SLC5A4: variants seen among roughly 807,000 people sequenced by gnomAD.
The protein encoded by SLC5A4 is probable glucose sensor protein SLC5A4.
A neutral mutation model predicts 70.3 loss-of-function variants in SLC5A4; 55 were observed. That is an observed-to-expected ratio of 0.78 (90% CI 0.63 to 0.98). The LOEUF (loss-of-function observed/expected upper bound fraction) is 0.98. Among genes scored for constraint, SLC5A4 ranks in the 50% least tolerant of loss-of-function variants. SLC5A4 has a pLI of 0.00. For missense variants in SLC5A4, 735 were observed against 839.2 expected, an observed-to-expected ratio of 0.88 and a Z score of 1.53; for synonymous variants, 268 against 305.7, an observed-to-expected ratio of 0.88 and a Z score of 1.29.
rs750785700 is a variant in SLC5A4, at chr22:32,237,244, C to T, written c.664G>A (p.Ala222Thr). 4 of 1,606,258 alleles carry T rather than the reference C, an allele frequency of 2.5e-6. No homozygotes were observed. The highest frequency in any genetic ancestry group is 2.7e-5 in the African/African-American group (2 of 74,712). Residue 222 changes from alanine (A) to threonine (T), a missense_variant and splice_region_variant, in exon 7 of 15, where the codon GCA becomes ACA. Transcript: ENST00000266086. ...LIGSFILMGFAFNEVGGYESF... is the reference protein window; with the variant it reads ...LIGSFILMGFTFNEVGGYESF... The stretch of plus-strand genomic sequence containing the variant: ...CACTGCACGCAGGGTCATCACTTAC[C>T]AAACCCCATGAGAATAAAAGAGCCA...
At chr22:32,309,908 G>A in the SLC5A4 span, among the ~76,000 whole-genome samples, 11 of 152,006 alleles carry the variant, frequency 7.2e-5, no homozygotes, top group Non-Finnish European at 8.8e-5. Flanking sequence ...GCTGGGTCTC[G>A]GTGATCTCTG....
intron 5 of SLC5A4, among the ~76,000 whole-genome samples, chr22:32,241,894 T>C (rs562972320): frequency 4.0e-5 from 6 of 151,860 alleles, no homozygotes; most frequent in African/African-American, 1.2e-4. Context: ...TATGTATGTA[T>C]GTTGATGACT....
Position 32,247,508 on chromosome 22 carries a change from G to T in SLC5A4, c.380C>A (p.Thr127Asn). ...CCGCTTCTTGAGATATTCCGGCATG[G>T]TCATCACCTGCAGAGACAGACATTG... ...VPIYIKSGVM[T>N]MPEYLKKRFG... is the part of the protein sequence containing the mutation. Residue 127 changes from threonine (T) to asparagine (N), a missense_variant, in exon 5 of 15, where the codon ACC becomes AAC. Physicochemically the swap from Thr to Asn is moderately conservative, Grantham distance 65 (BLOSUM62 0). Transcript: ENST00000266086. The T allele has an allele frequency of 1.9e-6, 3 of 1,610,106 alleles. No individual in the cohort carries two copies. The highest frequency in any genetic ancestry group is 2.6e-6 in the Non-Finnish European group (3 of 1,176,364).
chr22:32,298,350 C>CAT, the SLC5A4 span, among the ~76,000 whole-genome samples: 1 of 145,116 alleles, frequency 6.9e-6, no homozygotes, highest in South Asian at 2.3e-4. Context: ...GTATTGGGTG[C>CAT]ATATATATTT....
the SLC5A4 span, among the ~76,000 whole-genome samples, chr22:32,306,803 C>G: frequency 6.6e-6 from 1 of 152,240 alleles, no homozygotes; most frequent in Non-Finnish European, 1.5e-5. Flanking sequence ...AGACACTGAC[C>G]GCTTGGTTAT....
intron 11 of SLC5A4, among the ~76,000 whole-genome samples, chr22:32,227,357 C>T (rs913408945): frequency 1.3e-5 from 2 of 152,178 alleles, no homozygotes; most frequent in African/African-American, 2.4e-5. Context: ...TACACTCCTG[C>T]CCTACTGTAC....
At chr22:32,255,143 A>C (rs1603237888) in intron 1 of SLC5A4, 52 bp downstream of exon 1, 4 of 1,218,234 alleles carry the variant, frequency 3.3e-6, no homozygotes, top group Non-Finnish European at 3.5e-6. Context: ...CCCTTAAGAT[A>C]CCCCCTCCTA....
At chr22:32,248,566 C>T (rs1448156499) in intron 4 of SLC5A4, among the ~76,000 whole-genome samples, 177 bp downstream of exon 4, 1 of 152,128 alleles carries the variant, frequency 6.6e-6, no homozygotes, top group Non-Finnish European at 1.5e-5. Flanking sequence ...TTATATAAAC[C>T]CCTAATTTTA....
At chr22:32,258,981 A>T (rs1927619951), upstream of SLC5A4, among the ~76,000 whole-genome samples, 1 of 152,232 alleles carries the variant, frequency 6.6e-6, no homozygotes, top group Admixed American at 6.5e-5. Context: ...AGGAGGTCAA[A>T]TATTGCGTAA....
At chr22:32,235,152 T>C (rs1225334916) in intron 7 of SLC5A4, 59 bp from the exon 8 acceptor site, 1 of 1,251,106 alleles carries the variant, frequency 8.0e-7, no homozygotes, top group Non-Finnish European at 1.2e-6. Flanking sequence ...ATCCAATGTT[T>C]ATGATGACTA....
At chr22:32,335,538 T>G in the SLC5A4 span, among the ~76,000 whole-genome samples, 3 of 152,156 alleles carry the variant, frequency 2.0e-5, no homozygotes, top group African/African-American at 4.8e-5. Flanking sequence ...CCCTCTGATT[T>G]CATCCCCTTG....
At chr22:32,225,599 A>C (rs752517962) in intron 12 of SLC5A4, 56 bp downstream of exon 12, 31 of 1,191,634 alleles carry the variant, frequency 2.6e-5, no homozygotes, top group African/African-American at 9.3e-5. Context: ...CCCCAGTGAA[A>C]TAAACGATTT....
the SLC5A4 span, among the ~76,000 whole-genome samples, chr22:32,305,983 G>A: frequency 6.6e-6 from 1 of 152,038 alleles, no homozygotes; most frequent in African/African-American, 2.4e-5. Context: ...GGACTCACGT[G>A]CCCAGTTCCC....
the SLC5A4 span, among the ~76,000 whole-genome samples, chr22:32,274,763 A>G: frequency 6.6e-6 from 1 of 152,238 alleles, no homozygotes; most frequent in Non-Finnish European, 1.5e-5. Context: ...GTGACACCGG[A>G]AAGAAATATA....
the SLC5A4 span, among the ~76,000 whole-genome samples, chr22:32,337,422 T>C: frequency 6.6e-6 from 1 of 152,070 alleles, no homozygotes; most frequent in Non-Finnish European, 1.5e-5. Context: ...TAGTCCCAGC[T>C]ACTCAGGAGG....
chr22:32,255,011 G>A (rs1445689708), intron 1 of SLC5A4, among the ~76,000 whole-genome samples, 184 bp downstream of exon 1: 1 of 152,126 alleles, frequency 6.6e-6, no homozygotes, highest in African/African-American at 2.4e-5. Context: ...GTGTGCACAC[G>A]ATGGGGTTAT....
At chr22:32,271,200 C>T in the SLC5A4 span, 14 of 760,118 alleles carry the variant, frequency 1.8e-5, no homozygotes, top group African/African-American at 8.6e-5. Flanking sequence ...GCCAGCTCCC[C>T]GACTGGCGGC....
At chr22:32,265,856 A>G in the SLC5A4 span, among the ~76,000 whole-genome samples, 3 of 152,130 alleles carry the variant, frequency 2.0e-5, no homozygotes, top group East Asian at 5.8e-4. Flanking sequence ...AGGAAAAACA[A>G]AACAAAACAA....
chr22:32,282,236 CTT>C, the SLC5A4 span, among the ~76,000 whole-genome samples: 1 of 152,178 alleles, frequency 6.6e-6, no homozygotes, highest in Non-Finnish European at 1.5e-5. Flanking sequence ...CCAGCACACT[CTT>C]GACCTCATGG....
Sources: allele counts gnomAD v4.1 joint callset (sites outside exome capture counted in the v4.1 genomes callset), GRCh38; gene constraint gnomAD v4.1.1; transcripts MANE v1.5; gene names NCBI Gene and HGNC (gene_info 2026-07-23, HGNC 2026-07-21).